Variants in SDK2 observed in about 807,000 individuals in gnomAD.
SDK2 encodes the protein protein sidekick-2.
SDK2 carries 105 observed loss-of-function variants against 253.9 expected under a neutral mutation model. That is an observed-to-expected ratio of 0.41 (90% CI 0.35 to 0.49). The LOEUF is 0.49. Ranked by LOEUF, SDK2 falls within the 20% of genes least tolerant of loss-of-function variation. SDK2 has a pLI of 0.06. For missense variants in SDK2, 2,608 were observed against 3,003.0 expected (o/e 0.87, Z 3.07); for synonymous variants, 1,249 against 1,234.9 (o/e 1.01, Z -0.24).
At chr17:73,577,083 A>G (rs2045467654) in intron 1 of SDK2, among the ~76,000 whole-genome samples, 1 of 152,178 alleles carries the variant, frequency 6.6e-6, no homozygotes, top group Admixed American at 6.5e-5. Flanking sequence ...GGCTAGAGAA[A>G]GGACACGGAC....
intron 1 of SDK2, among the ~76,000 whole-genome samples, chr17:73,589,466 T>G (rs1337910177): frequency 1.3e-5 from 2 of 152,224 alleles, no homozygotes; most frequent in Non-Finnish European, 2.9e-5. Flanking sequence ...GCCTTGGAGT[T>G]GGACAGATGT....
At chr17:73,526,322 T>G (rs1359532531) in intron 1 of SDK2, among the ~76,000 whole-genome samples, 2 of 152,142 alleles carry the variant, frequency 1.3e-5, no homozygotes, top group East Asian at 3.9e-4. Context: ...CTGGGTGAGA[T>G]GAACTCTGAT....
At chr17:73,513,247 A>G (rs760339056) in intron 1 of SDK2, among the ~76,000 whole-genome samples, 1 of 152,228 alleles carries the variant, frequency 6.6e-6, no homozygotes, top group Non-Finnish European at 1.5e-5. Flanking sequence ...CTGATATAGA[A>G]ATGTTCCCAC....
At position 73,585,424 on chromosome 17, in the gene SDK2, G is replaced by A. The variant is rs139257301; in HGVS notation, c.64+58601C>T. 4.7e-3 allele frequency among the ~76,000 whole-genome samples: 723 copies of A among 152,304 alleles called. 7 individuals are homozygous for A. Among genetic ancestry groups the A allele is most frequent in the African/African-American group, 0.017 (690 of 41,550 alleles). On this transcript the variant is annotated intron_variant, in intron 1 of 44. Transcript: ENST00000392650. ...TCTCTCTTGTGAGCAGGAATCCCCC[G>A]GAGGGGGTGTTAAAACATAGACTCC...
intron 39 of SDK2, among the ~76,000 whole-genome samples, chr17:73,358,810 A>T (rs1286803133): frequency 1.3e-5 from 2 of 152,080 alleles, no homozygotes; most frequent in South Asian, 2.1e-4. Flanking sequence ...TTTATGCCCC[A>T]GGAGGCCTTG....
At chr17:73,418,051 A>C (rs1339531667) in intron 16 of SDK2, among the ~76,000 whole-genome samples, 1 of 128,776 alleles carries the variant, frequency 7.8e-6, no homozygotes, top group Non-Finnish European at 1.6e-5. Context: ...AGTCTCGCCC[A>C]GGCTGGAGTG....
chr17:73,480,803 A>G (rs547299650), intron 2 of SDK2, among the ~76,000 whole-genome samples: 2 of 152,328 alleles, frequency 1.3e-5, no homozygotes, highest in South Asian at 4.2e-4. Flanking sequence ...CCCATGTAGG[A>G]CACAGCCAGA....
chr17:73,507,799 A>C (rs916868248), intron 1 of SDK2, among the ~76,000 whole-genome samples: 1 of 152,180 alleles, frequency 6.6e-6, no homozygotes, highest in African/African-American at 2.4e-5. Flanking sequence ...GACATCTGCC[A>C]ACCAGAGCCC....
chr17:73,402,021 T>C lies in SDK2; in HGVS notation c.2605A>G (p.Thr869Ala), dbSNP rs1370876715. The C allele has an allele frequency of 1.2e-5, 19 of 1,613,806 alleles. No homozygotes were observed. The highest frequency in any genetic ancestry group is 1.5e-5 in the Non-Finnish European group (18 of 1,179,818). The stretch of plus-strand genomic sequence containing the variant: ...GGGGTGGTGAAACACAGCACTGAGG[T>C]GAAGTACTCGGTGAACTTCTTCAGG... ...SGLKKFTEYF[T>A]SVLCFTTPGD... is the part of the protein sequence containing the mutation. The change falls in exon 19 of 45, where the codon ACC becomes GCC. Residue 869 changes from threonine to alanine, a missense_variant. Physicochemically the swap from Thr to Ala is moderately conservative, Grantham distance 58. Transcript: ENST00000392650.
In SDK2 at chr17:73,368,571, C is replaced by T. The variant is rs143426374; in HGVS notation, c.5003G>A (p.Arg1668Gln). 1,097 of 1,592,172 alleles carry T rather than the reference C, an allele frequency of 6.9e-4. 8 individuals carry two copies. The African/African-American group carries it at 0.013, about 19-fold the overall frequency. ...CTTCACTCGCTCTGTGAGGTTCCCC[C>T]GCTGGGCTTCCCAGAAATAAATCTG... ...GYKIYFWEAQRGNLTERVKTL... is the reference protein window; with the variant it reads ...GYKIYFWEAQQGNLTERVKTL... Residue 1668 changes from arginine (R) to glutamine (Q), a missense_variant, in exon 37 of 45, where the codon CGG (arginine) becomes CAG (glutamine). Arg to Gln is a conservative substitution (Grantham distance 43). Transcript: ENST00000392650.
intron 1 of SDK2, among the ~76,000 whole-genome samples, chr17:73,543,970 G>A (rs1040674621): frequency 6.6e-6 from 1 of 152,224 alleles, no homozygotes; most frequent in South Asian, 2.1e-4. Flanking sequence ...GGGACACCAG[G>A]AGAGCTCCAC....
intron 28 of SDK2, 136 bp downstream of exon 28, chr17:73,391,304 C>G: frequency 2.4e-6 from 1 of 424,676 alleles, no homozygotes; most frequent in Non-Finnish European, 4.2e-6. Flanking sequence ...GGACTAACAC[C>G]CAGATCCCAT....
chr17:73,494,184 A>G (rs981094344), intron 2 of SDK2, among the ~76,000 whole-genome samples: 1 of 152,196 alleles, frequency 6.6e-6, no homozygotes, highest in African/African-American at 2.4e-5. Flanking sequence ...GAGCCCAGTG[A>G]GATCCAAGCA....
At chr17:73,365,512 T>A in intron 37 of SDK2, 117 bp from the exon 38 acceptor site, 1 of 1,081,928 alleles carries the variant, frequency 9.2e-7, no homozygotes, top group Non-Finnish European at 1.3e-6. Context: ...AACAAGAGCG[T>A]GGGGCTCGGC....
chr17:73,399,880 A>G (rs1228648939), intron 21 of SDK2, among the ~76,000 whole-genome samples: 2 of 152,218 alleles, frequency 1.3e-5, no homozygotes, highest in Non-Finnish European at 1.5e-5. Flanking sequence ...GTGTCTTTGC[A>G]CAAGTTATCC....
At chr17:73,610,912 C>G (rs1386713284) in intron 1 of SDK2, among the ~76,000 whole-genome samples, 1 of 152,094 alleles carries the variant, frequency 6.6e-6, no homozygotes, top group Non-Finnish European at 1.5e-5. Flanking sequence ...ACCAAGAGAA[C>G]ATGGGGGCCT....
chr17:73,558,874 C>T (rs1567842275), intron 1 of SDK2, among the ~76,000 whole-genome samples: 2 of 152,202 alleles, frequency 1.3e-5, no homozygotes. Context: ...CCAGTCCCTA[C>T]AGAATGAGAG....
In SDK2 at chr17:73,350,286, G is replaced by A. The variant is rs369870973; in HGVS notation, c.5989C>T (p.Arg1997Trp). 64 of 1,601,894 alleles carry A rather than the reference G, an allele frequency of 4.0e-5. No individual in the cohort carries two copies. The South Asian group carries it at 4.2e-4, about 11-fold the overall frequency. Residue 1997 changes from arginine to tryptophan, a missense_variant, in exon 43 of 45, where the codon CGG becomes TGG. Physicochemically the swap from Arg to Trp is moderately radical, Grantham distance 101. This residue lies in a region of SDK2 where 1,103 missense variants were observed against 1,143.9 expected (regional missense o/e 0.96). Transcript: ENST00000392650. ...SFPALELNNR[R>W]LSVKNSFCRK... ...CAGAAAGAGTTCTTGACGGAGAGCC[G>A]CCTGTTGTTGAGTTCCAGGGCAGGG...
intron 1 of SDK2, among the ~76,000 whole-genome samples, chr17:73,524,586 C>A (rs1285756983): frequency 6.6e-6 from 1 of 152,228 alleles, no homozygotes; most frequent in Non-Finnish European, 1.5e-5. Context: ...TCTAGCATGA[C>A]TGGAGCAGGG....
Sources: gnomAD v4.1 joint callset for allele counts (sites outside exome capture counted in the v4.1 genomes callset) on GRCh38, gnomAD v4.1.1 for gene constraint, gnomAD v4.1.1 regional missense constraint, MANE v1.5 for transcripts, NCBI Gene and HGNC (gene_info 2026-07-23, HGNC 2026-07-21) for gene names.